Variants in PRDM16 observed in about 807,000 individuals in gnomAD.
PRDM16 encodes histone-lysine N-methyltransferase PRDM16.
In PRDM16, 23 loss-of-function variants were observed where a neutral mutation model predicts 110.6. That is an observed-to-expected ratio of 0.21 (90% confidence interval 0.15 to 0.29). PRDM16 has a LOEUF of 0.29. PRDM16 is among the 10% of genes least tolerant of loss of function. The pLI is 1.00. For synonymous variants in PRDM16, 799 were observed against 781.8 expected, an observed-to-expected ratio of 1.02 and a Z score of -0.37; for missense variants, 1,615 against 1,794.3, an observed-to-expected ratio of 0.90 and a Z score of 1.81.
intron 2 of PRDM16, among the ~76,000 whole-genome samples, chr1:3,192,739 C>CTTCAGTCCCT (rs1553143787): frequency 6.6e-6 from 1 of 152,162 alleles, no homozygotes; most frequent in Non-Finnish European, 1.5e-5. Context: ...TGGGACTCTG[C>CTTCAGTCCCT]TTCAGTCCCT....
intron 3 of PRDM16, among the ~76,000 whole-genome samples, chr1:3,275,985 C>T (rs1640574206): frequency 6.6e-6 from 1 of 152,234 alleles, no homozygotes; most frequent in African/African-American, 2.4e-5. Context: ...ACACGCGTGC[C>T]TGCTGCGGCC....
chr1:3,394,530 C>A, intron 4 of PRDM16: 1 of 418,366 alleles, frequency 2.4e-6, no homozygotes, highest in Non-Finnish European at 4.9e-6. Context: ...GGAGTGGAGC[C>A]AAGGGGCGGG....
At chr1:3,409,366 C>T (rs1643629682) in intron 8 of PRDM16, among the ~76,000 whole-genome samples, 2 of 152,062 alleles carry the variant, frequency 1.3e-5, no homozygotes, top group Admixed American at 6.5e-5. Flanking sequence ...CATCAGCAGC[C>T]CTCCAGAGAG....
At chr1:3,324,919 G>A (rs187333233) in intron 3 of PRDM16, among the ~76,000 whole-genome samples, 149 of 152,254 alleles carry the variant, frequency 9.8e-4, no homozygotes, top group African/African-American at 3.2e-3. Flanking sequence ...GCCAGCGGAC[G>A]CCCCTGGTGG....
intron 3 of PRDM16, among the ~76,000 whole-genome samples, chr1:3,267,971 G>A (rs1640334930): frequency 6.6e-6 from 1 of 152,228 alleles, no homozygotes; most frequent in Admixed American, 6.5e-5. Flanking sequence ...GACAGGGGGT[G>A]GATCTGCCTG....
chr1:3,435,253 TTTC>T lies in PRDM16; in HGVS notation c.*1445_*1447del, dbSNP rs1292698297. The T allele has an allele frequency of 1.4e-5, 3 of 221,902 alleles. 1 individual carries two copies. Among genetic ancestry groups the T allele is most frequent in the African/African-American group, 6.7e-5 (3 of 44,694 alleles). The allele number at this position is 221,902 out of a possible 1,614,324, so 13.7% of individuals were successfully genotyped here. ...TTGTAATTTTTTCTAATTCATTTCTTTTCTTATTTTATTTCCTCCTTAACAGTA... is the reference window on the plus strand; with the variant it reads ...TTGTAATTTTTTCTAATTCATTTCTTTTATTTTATTTCCTCCTTAACAGTA... On this transcript the variant is annotated 3_prime_UTR_variant, in exon 17 of 17. Coordinates refer to ENST00000270722, the MANE Select transcript of PRDM16 (RefSeq NM_022114.4).
At chr1:3,151,386 G>A (rs1643773096) in intron 1 of PRDM16, among the ~76,000 whole-genome samples, 2 of 152,354 alleles carry the variant, frequency 1.3e-5, no homozygotes, top group Admixed American at 1.3e-4. Flanking sequence ...AGACTCCGCT[G>A]CAAGGCGAGG....
At chr1:3,168,506 G>A (rs1643987769) in intron 1 of PRDM16, among the ~76,000 whole-genome samples, 1 of 150,650 alleles carries the variant, frequency 6.6e-6, no homozygotes, top group African/African-American at 2.4e-5. Context: ...AGGAAAATCA[G>A]GAAATTTGCT....
chr1:3,281,224 T>C (rs1161790914), intron 3 of PRDM16, among the ~76,000 whole-genome samples: 5 of 152,218 alleles, frequency 3.3e-5, no homozygotes, highest in Admixed American at 1.3e-4. Flanking sequence ...ACCCAGCCCC[T>C]ACCTGAGAAC....
intron 3 of PRDM16, among the ~76,000 whole-genome samples, chr1:3,287,650 CCCCCTGCCACGT>C (rs1640885633): frequency 2.1e-5 from 1 of 46,998 alleles, no homozygotes; most frequent in African/African-American, 2.0e-4. Context: ...GCTGGAGCCG[CCCCCTGCCACGT>C]GGGCATCCAG....
At chr1:3,260,840 C>G (rs1433513812) in intron 3 of PRDM16, among the ~76,000 whole-genome samples, 1 of 132,844 alleles carries the variant, frequency 7.5e-6, no homozygotes. Flanking sequence ...TGATGATGAG[C>G]CTCAAGGTCC....
intron 2 of PRDM16, among the ~76,000 whole-genome samples, chr1:3,223,639 G>GA (rs1371394687): frequency 2.0e-5 from 3 of 152,180 alleles, no homozygotes; most frequent in African/African-American, 7.2e-5. Flanking sequence ...GGCTGCAGGG[G>GA]AATGCACCAT....
intron 3 of PRDM16, among the ~76,000 whole-genome samples, chr1:3,285,254 G>A (rs547605560): frequency 1.5e-4 from 23 of 152,276 alleles, no homozygotes; most frequent in Admixed American, 1.1e-3. Flanking sequence ...CCCCAGCCCC[G>A]TGGAGGCCCC....
chr1:3,315,928 C>T (rs1242133635), intron 3 of PRDM16, among the ~76,000 whole-genome samples: 1 of 151,918 alleles, frequency 6.6e-6, no homozygotes, highest in Non-Finnish European at 1.5e-5. Flanking sequence ...GCCCTGCCTG[C>T]GGAAGGTATC....
At chr1:3,299,665 C>T (rs113773318) in intron 3 of PRDM16, among the ~76,000 whole-genome samples, 166 of 106,452 alleles carry the variant, frequency 1.6e-3, no homozygotes, top group African/African-American at 6.2e-3. Context: ...ATGCTGTGGC[C>T]GTGATGTTTC....
chr1:3,388,269 CCTCT>C (rs916359595), intron 4 of PRDM16, among the ~76,000 whole-genome samples: 1 of 152,002 alleles, frequency 6.6e-6, no homozygotes, highest in Non-Finnish European at 1.5e-5. Context: ...CCTCCCTTCC[CCTCT>C]CTCTCTCCCT....
In PRDM16 at chr1:3,246,895, G is replaced by A. The variant is rs1453321647; in HGVS notation, c.438+2758G>A. Reference sequence around the variant, plus strand: ...CAGACTCGGGGGCCAGGAAGACCAGGACAGACAGCCCTCGAGTGGGCGTCA... The same window carrying A: ...CAGACTCGGGGGCCAGGAAGACCAGAACAGACAGCCCTCGAGTGGGCGTCA... On this transcript the variant is annotated intron_variant, in intron 3 of 16. Coordinates refer to ENST00000270722, the MANE Select transcript of PRDM16 (RefSeq NM_022114.4). The surrounding 1 kb of genome is among the most constrained non-coding windows in gnomAD (Gnocchi z 5.2). 6.6e-6 allele frequency among the ~76,000 whole-genome samples: 1 copy of A among 152,136 alleles called. No homozygotes were observed. Among genetic ancestry groups the A allele is most frequent in the Admixed American group, 6.5e-5 (1 of 15,286 alleles).
chr1:3,129,127 C>T (rs1305986164), intron 1 of PRDM16, among the ~76,000 whole-genome samples: 6 of 149,174 alleles, frequency 4.0e-5, no homozygotes, highest in Admixed American at 3.3e-4. Flanking sequence ...TGTGCACGTG[C>T]GTGTGTGGGT....
intron 3 of PRDM16, among the ~76,000 whole-genome samples, chr1:3,344,615 T>A (rs1642328742): frequency 6.6e-6 from 1 of 152,216 alleles, no homozygotes; most frequent in African/African-American, 2.4e-5. Context: ...TTGTATTGGA[T>A]GTTGTAGATG....
Sources: gnomAD v4.1 joint callset for allele counts (sites outside exome capture counted in the v4.1 genomes callset) on GRCh38, gnomAD v4.1.1 for gene constraint, Gnocchi (gnomAD v3.1) non-coding constraint, MANE v1.5 for transcripts, NCBI Gene and HGNC (gene_info 2026-07-23, HGNC 2026-07-21) for gene names.